BRWD1: variants seen among roughly 807,000 people sequenced by gnomAD.
The protein encoded by BRWD1 is bromodomain and WD repeat-containing protein 1.
In BRWD1, 82 loss-of-function variants were observed where a neutral mutation model predicts 251.2. The observed-to-expected ratio is 0.33, with a 90% confidence interval of 0.27 to 0.39. The LOEUF is 0.39. Among genes scored for constraint, BRWD1 ranks in the 10% least tolerant of loss-of-function variants. The probability of loss-of-function intolerance (pLI) is 1.00; values close to 1 mark genes in which losing one functional copy is unlikely to be tolerated. For synonymous variants in BRWD1, 918 were observed against 902.8 expected, an observed-to-expected ratio of 1.02 and a Z score of -0.30; for missense variants, 2,233 against 2,711.6, an observed-to-expected ratio of 0.82 and a Z score of 3.92.
At chr21:39,200,440 T>C in intron 38 of BRWD1, 54 bp from the exon 39 acceptor site, 1 of 1,472,478 alleles carries the variant, frequency 6.8e-7, no homozygotes, top group Non-Finnish European at 9.3e-7. Context: ...TTTACACACA[T>C]AAGCAAGCAG....
chr21:39,212,644 TC>T, intron 34 of BRWD1, 21 bp downstream of exon 34: 1 of 1,521,776 alleles, frequency 6.6e-7, no homozygotes, highest in Non-Finnish European at 9.0e-7. Context: ...ACTACAAAAG[TC>T]AACCATGCAG....
At chr21:39,204,841 G>T (rs554661895) in intron 37 of BRWD1, among the ~76,000 whole-genome samples, 1 of 152,066 alleles carries the variant, frequency 6.6e-6, no homozygotes, top group Non-Finnish European at 1.5e-5. Flanking sequence ...TATGAAAATC[G>T]AATGCCCCCA....
At chr21:39,214,551 T>C (rs2032801125) in intron 32 of BRWD1, among the ~76,000 whole-genome samples, 2 of 152,062 alleles carry the variant, frequency 1.3e-5, no homozygotes, top group African/African-American at 4.8e-5. Flanking sequence ...CTGGATTAGA[T>C]TCTGAAACAT....
intron 36 of BRWD1, among the ~76,000 whole-genome samples, chr21:39,208,264 T>C (rs2032499714): frequency 6.6e-6 from 1 of 152,100 alleles, no homozygotes; most frequent in South Asian, 2.1e-4. Flanking sequence ...TTGAATGAAA[T>C]TTATTTTGTC....
intron 19 of BRWD1, among the ~76,000 whole-genome samples, chr21:39,254,745 A>C (rs1439395451): frequency 1.3e-5 from 2 of 152,142 alleles, no homozygotes; most frequent in African/African-American, 4.8e-5. Flanking sequence ...AATCATGATT[A>C]TACAACAGCT....
chr21:39,283,804 C>T (rs1270374100), intron 8 of BRWD1, among the ~76,000 whole-genome samples: 1 of 152,188 alleles, frequency 6.6e-6, no homozygotes, highest in Non-Finnish European at 1.5e-5. Context: ...TATGCCCCCT[C>T]AAGGCCAGTC....
chr21:39,301,864 A>G (rs1448013050), intron 4 of BRWD1, among the ~76,000 whole-genome samples: 2 of 150,836 alleles, frequency 1.3e-5, no homozygotes, highest in African/African-American at 2.4e-5. Flanking sequence ...TTAGGAAGGC[A>G]TAAGGCAGTA....
chr21:39,244,923 T>TATATATATATATAC (rs2034129005), intron 21 of BRWD1, among the ~76,000 whole-genome samples: 1 of 47,424 alleles, frequency 2.1e-5, no homozygotes, highest in Admixed American at 1.8e-4. Flanking sequence ...TTGGAAGAAA[T>TATATATATATATAC]ATATATATAT....
rs753965298 is a variant in BRWD1 at position 39,217,961 on chromosome 21, T to C, written c.3659+191A>G. 8.9e-4 allele frequency among the ~76,000 whole-genome samples: 135 copies of C among 151,956 alleles called. 2 individuals are homozygous for C. Among genetic ancestry groups the C allele is most frequent in the Non-Finnish European group, 6.3e-4 (43 of 67,982 alleles). Reference sequence around the variant, plus strand: ...AAAAAAAAACGAGGGTGAAATATGGTAGTCAATCTTCTGCCTGGCCCTACC... The same window carrying C: ...AAAAAAAAACGAGGGTGAAATATGGCAGTCAATCTTCTGCCTGGCCCTACC... On this transcript the variant is annotated intron_variant, in intron 31 of 40. Transcript: ENST00000342449.
At chr21:39,294,663 A>C (rs533546195) in intron 7 of BRWD1, among the ~76,000 whole-genome samples, 27 of 151,908 alleles carry the variant, frequency 1.8e-4, no homozygotes, top group Admixed American at 3.9e-4. Flanking sequence ...TCAAAAAAAA[A>C]AAAAAAAAGT....
Position 39,189,359 on chromosome 21 carries a change from C to A in BRWD1, c.*6900G>T, listed in dbSNP as rs571982222. On this transcript the variant is annotated 3_prime_UTR_variant, in exon 41 of 41. Coordinates refer to ENST00000342449, the MANE Select transcript of BRWD1 (RefSeq NM_033656.4). ...AAAATGCTTTAAGTTGCAGAAATTC[C>A]ATTTTGATGTGTGATCAAAGTACCT... is the stretch of plus-strand genomic sequence containing the variant. 76 of 984,796 alleles carry A rather than the reference C, an allele frequency of 7.7e-5. 1 individual carries two copies. The South Asian group carries it at 3.1e-3, about 41-fold the overall frequency. 61.0% of individuals were successfully genotyped at this position (984,796 alleles called of 1,614,324 possible).
intron 17 of BRWD1, among the ~76,000 whole-genome samples, chr21:39,259,252 T>TA (rs910887359): frequency 2.0e-4 from 30 of 152,180 alleles, no homozygotes; most frequent in African/African-American, 7.0e-4. Flanking sequence ...CTCTCTTAGA[T>TA]ATGTTTTTAA....
chr21:39,306,720 C>T (rs765506350), intron 4 of BRWD1, among the ~76,000 whole-genome samples: 11 of 152,120 alleles, frequency 7.2e-5, no homozygotes, highest in Non-Finnish European at 1.6e-4. Context: ...GTTATTTATA[C>T]TGAAATCAGA....
intron 27 of BRWD1, 63 bp downstream of exon 27, chr21:39,228,437 A>T: frequency 3.5e-6 from 4 of 1,139,256 alleles, no homozygotes; most frequent in Non-Finnish European, 5.3e-6. Flanking sequence ...ACAGCCAAAA[A>T]GGTAGACCAA....
At chr21:39,291,360 A>C (rs2035802052) in intron 8 of BRWD1, among the ~76,000 whole-genome samples, 2 of 152,220 alleles carry the variant, frequency 1.3e-5, no homozygotes, top group Admixed American at 6.5e-5. Flanking sequence ...CTTATAAATC[A>C]AACATAAAAT....
intron 27 of BRWD1, among the ~76,000 whole-genome samples, chr21:39,225,442 CTG>C (rs2033344148): frequency 6.6e-6 from 1 of 152,152 alleles, no homozygotes; most frequent in Non-Finnish European, 1.5e-5. Flanking sequence ...TGCACTAGAT[CTG>C]TGTTTAACAT....
In BRWD1 at chr21:39,205,828, C is replaced by T. The variant is rs145559531; in HGVS notation, c.4364+280G>A. 3.9e-3 allele frequency among the ~76,000 whole-genome samples: 594 copies of T among 151,918 alleles called. 3 individuals carry two copies. The highest frequency in any genetic ancestry group is 7.3e-3 in the Non-Finnish European group (496 of 67,896). On this transcript the variant is annotated intron_variant, in intron 37 of 40. Transcript: ENST00000342449. Reference sequence around the variant, plus strand: ...GGCGTGGTGGCTCACACCTGTAATCCCAACATTGTGGGAGGCCAAGGTGGG... The same window carrying T: ...GGCGTGGTGGCTCACACCTGTAATCTCAACATTGTGGGAGGCCAAGGTGGG...
At chr21:39,233,339 G>A (rs1001373903) in intron 23 of BRWD1, among the ~76,000 whole-genome samples, 3 of 152,094 alleles carry the variant, frequency 2.0e-5, no homozygotes, top group Admixed American at 6.6e-5. Context: ...AATATGCAAC[G>A]TTTGCCATGT....
At position 39,195,104 on chromosome 21, in the gene BRWD1, A is replaced by G; in HGVS notation, c.*1155T>C. 1 of 1,194,784 alleles carries G rather than the reference A, an allele frequency of 8.4e-7. No individual in the cohort carries two copies. The highest frequency in any genetic ancestry group is 1.0e-6 in the Non-Finnish European group (1 of 959,970). 74.0% of individuals were successfully genotyped at this position (1,194,784 alleles called of 1,614,324 possible). ...TGGATTATAAAATTATTTTCCCACA[A>G]AACATGACAGTTTCTTATATTTGGA... On this transcript the variant is annotated 3_prime_UTR_variant, in exon 41 of 41. Transcript: ENST00000342449.
Sources: allele counts gnomAD v4.1 joint callset (sites outside exome capture counted in the v4.1 genomes callset), GRCh38; gene constraint gnomAD v4.1.1; transcripts MANE v1.5; gene names NCBI Gene and HGNC (gene_info 2026-07-23, HGNC 2026-07-21).